Variants in TXNDC12 observed in about 807,000 individuals in gnomAD.
TXNDC12 encodes the protein thioredoxin domain-containing protein 12.
Under a neutral mutation model 24.2 loss-of-function variants are expected in TXNDC12, and 22 were observed. That is an observed-to-expected ratio of 0.91 (90% CI 0.65 to 1.30). TXNDC12 has a LOEUF of 1.30. Among genes scored for constraint, TXNDC12 ranks in the 50% most tolerant of loss-of-function variants. The pLI, the probability that TXNDC12 is intolerant of heterozygous loss-of-function variation, is 0.00. For missense variants in TXNDC12, 184 were observed against 205.8 expected (o/e 0.89, Z 0.65); for synonymous variants, 58 against 73.4 (o/e 0.79, Z 1.07).
intron 1 of TXNDC12, among the ~76,000 whole-genome samples, chr1:52,053,524 C>T (rs1281810456): frequency 1.3e-5 from 2 of 151,988 alleles, no homozygotes; most frequent in East Asian, 3.9e-4. Context: ...ATTAGCCAGA[C>T]GTGGTGGCAG....
At position 52,033,371 on chromosome 1, in the gene TXNDC12, T is replaced by C. The variant is rs777503714; in HGVS notation, c.159-4741A>G. ...TCAGCGCGTGGCCGCCAACTCACACTGACGTTCCGGCCAGGGTTCTCGTTC... is the reference window on the plus strand; with the variant it reads ...TCAGCGCGTGGCCGCCAACTCACACCGACGTTCCGGCCAGGGTTCTCGTTC... On this transcript the variant is annotated intron_variant, in intron 2 of 6. Coordinates refer to ENST00000371626, the MANE Select transcript of TXNDC12 (RefSeq NM_015913.4). 2.5e-5 allele frequency: 40 copies of C among 1,613,634 alleles called. 1 individual carries two copies. Among genetic ancestry groups the C allele is most frequent in the South Asian group, 6.6e-5 (6 of 91,064 alleles).
intron 2 of TXNDC12, among the ~76,000 whole-genome samples, chr1:52,039,431 G>A (rs1234092511): frequency 1.3e-5 from 2 of 151,818 alleles, no homozygotes; most frequent in Admixed American, 1.3e-4. Flanking sequence ...AGGTTCAAGC[G>A]ATTCTCCTGC....
In TXNDC12 at chr1:52,041,555, T is replaced by C; in HGVS notation, c.140A>G (p.Lys47Arg). ...HIHWRTLEDG[K>R]KEAAASGLPL... Reference sequence around the variant, plus strand: ...CTTGTACCTGGCAGCTGCTTCTTTCTTCCCATCTTCCAGTGTCCTCCAATG... The same window carrying C: ...CTTGTACCTGGCAGCTGCTTCTTTCCTCCCATCTTCCAGTGTCCTCCAATG... Residue 47 changes from lysine to arginine, a missense_variant, in exon 2 of 7, where the codon AAG becomes AGG. Physicochemically the swap from Lys to Arg is conservative, Grantham distance 26. Coordinates refer to ENST00000371626, the MANE Select transcript of TXNDC12 (RefSeq NM_015913.4). The C allele has an allele frequency of 6.2e-7, 1 of 1,612,666 alleles. No homozygotes were observed.
rs753749935 is a variant in TXNDC12, at chr1:52,024,616, G to A, written c.286-37C>T. 21 of 1,517,076 alleles carry A rather than the reference G, an allele frequency of 1.4e-5. 1 individual carries two copies. In the Middle Eastern group the frequency reaches 6.8e-4, roughly 49 times the overall value. The allele number at this position is 1,517,076 out of a possible 1,614,324, so 94.0% of individuals were successfully genotyped here. ...AAATGTAAACCTTAAGTCAGATAAC[G>A]TCCTCTCTCTCCTCAAAACCATTCA... On this transcript the variant is annotated intron_variant, in intron 4 of 6. Transcript: ENST00000371626.
At chr1:52,041,512 A>G in intron 2 of TXNDC12, 25 bp downstream of exon 2, 1 of 1,576,500 alleles carries the variant, frequency 6.3e-7, no homozygotes, top group East Asian at 2.2e-5. Context: ...TACCACCATA[A>G]ATGACCTAAA....
At chr1:52,032,470 G>A in intron 2 of TXNDC12, 2 of 1,312,772 alleles carry the variant, frequency 1.5e-6, no homozygotes, top group Non-Finnish European at 1.9e-6. Context: ...TCCTCTGAGG[G>A]ATTTGCCAGG....
chr1:52,042,368 C>T (rs1372468846), intron 1 of TXNDC12, among the ~76,000 whole-genome samples: 1 of 152,062 alleles, frequency 6.6e-6, no homozygotes, highest in African/African-American at 2.4e-5. Flanking sequence ...GTAGGGTTTA[C>T]AAAGCCTTTC....
Position 52,029,793 on chromosome 1 carries a change from C to T in TXNDC12, c.159-1163G>A, listed in dbSNP as rs113283284. 7.9e-3 allele frequency among the ~76,000 whole-genome samples: 1,208 copies of T among 152,268 alleles called. 15 individuals are homozygous for T. Among genetic ancestry groups the T allele is most frequent in the African/African-American group, 0.028 (1,150 of 41,544 alleles). On this transcript the variant is annotated intron_variant, in intron 2 of 6. Coordinates refer to ENST00000371626, the MANE Select transcript of TXNDC12 (RefSeq NM_015913.4). ...TTTAATAAGTGTCAAATGAATCATT[C>T]AGTCACCTCACCTTAGGCCTACCTC...
chr1:52,033,792 C>A, intron 2 of TXNDC12: 1 of 1,536,454 alleles, frequency 6.5e-7, no homozygotes, highest in Non-Finnish European at 8.8e-7. Flanking sequence ...GGCAACCGCG[C>A]TGCGCCAACT....
rs7512076 is a variant in TXNDC12, at chr1:52,020,432, C to T, written c.*501G>A. The T allele has an allele frequency of 0.055, 14,410 of 260,344 alleles. 472 individuals are homozygous for T. Among genetic ancestry groups the T allele is most frequent in the African/African-American group, 0.086 (3,882 of 45,110 alleles). 16.1% of individuals were successfully genotyped at this position (260,344 alleles called of 1,614,324 possible). A position where few individuals can be genotyped will look rare whatever the true frequency, so the allele number is the denominator to read the frequency against. On this transcript the variant is annotated 3_prime_UTR_variant, in exon 7 of 7. Coordinates refer to ENST00000371626, the MANE Select transcript of TXNDC12 (RefSeq NM_015913.4). The stretch of plus-strand genomic sequence containing the variant: ...TTCCCAGGAGAAAAAAGGGAAAAAA[C>T]AGGCTGATATCCTTGGTAGGGGGTA...
chr1:52,043,629 G>A (rs1686036072), intron 1 of TXNDC12, among the ~76,000 whole-genome samples: 1 of 152,106 alleles, frequency 6.6e-6, no homozygotes, highest in African/African-American at 2.4e-5. Flanking sequence ...AGAAATATAT[G>A]CAAAAAACTT....
chr1:52,054,677 T>C (rs191808562), intron 1 of TXNDC12, among the ~76,000 whole-genome samples: 209 of 148,144 alleles, frequency 1.4e-3, no homozygotes, highest in Non-Finnish European at 2.5e-3. Context: ...TTCTCCCAGG[T>C]GGGAAGGTGA....
chr1:52,033,362 A>T (rs1425006715), intron 2 of TXNDC12: 1 of 1,613,564 alleles, frequency 6.2e-7, no homozygotes, highest in Non-Finnish European at 8.5e-7. Context: ...CGTGGCCGCC[A>T]ACTCACACTG....
At chr1:52,051,156 T>G (rs1310185439) in intron 1 of TXNDC12, among the ~76,000 whole-genome samples, 1 of 152,168 alleles carries the variant, frequency 6.6e-6, no homozygotes, top group Non-Finnish European at 1.5e-5. Flanking sequence ...GGATAGTAAA[T>G]GTACAGTAAA....
At chr1:52,046,701 G>A (rs111237087) in intron 1 of TXNDC12, among the ~76,000 whole-genome samples, 1,773 of 151,230 alleles carry the variant, frequency 0.012, 31 homozygotes, top group African/African-American at 0.04. Flanking sequence ...ACCTAACATG[G>A]TGAAACCCCA....
Position 52,036,826 on chromosome 1 carries a change from T to G in TXNDC12, c.158+4711A>C, listed in dbSNP as rs72637993. On this transcript the variant is annotated intron_variant, in intron 2 of 6. Coordinates refer to ENST00000371626, the MANE Select transcript of TXNDC12 (RefSeq NM_015913.4). ...TTCATTCCTCTGGTTTGGTGTCTAT[T>G]AGCTCTTGAATTTATCCAAGATCAT... Among the ~76,000 whole-genome samples the G allele has an allele frequency of 4.7e-3, 713 of 152,340 alleles. 26 individuals carry two copies. In the East Asian group the frequency reaches 0.074, roughly 16 times the overall value.
chr1:52,031,304 C>T lies in TXNDC12; in HGVS notation c.159-2674G>A, dbSNP rs188653024. Among the ~76,000 whole-genome samples the T allele has an allele frequency of 1.4e-4, 21 of 150,870 alleles. No individual in the cohort carries two copies. In the East Asian group the frequency reaches 3.7e-3, roughly 27 times the overall value. ...CCTCCTGAGTAGCTGGGATTACAGG[C>T]ACGTGCCACCACGCCCGGCTAATTT... On this transcript the variant is annotated intron_variant, in intron 2 of 6. Coordinates refer to ENST00000371626, the MANE Select transcript of TXNDC12 (RefSeq NM_015913.4).
rs1451114656 is a variant in TXNDC12, at chr1:52,020,701, T to C, written c.*232A>G. The C allele has an allele frequency of 4.1e-6, 2 of 490,138 alleles. No homozygotes were observed. The highest frequency in any genetic ancestry group is 7.2e-6 in the Non-Finnish European group (2 of 277,132). 30.4% of individuals were successfully genotyped at this position (490,138 alleles called of 1,614,324 possible). ...CTTTACATTCAATGACAAGTTGACATTTAGGTGAGAGGGAAAAGGAGAAGA... is the reference window on the plus strand; with the variant it reads ...CTTTACATTCAATGACAAGTTGACACTTAGGTGAGAGGGAAAAGGAGAAGA... On this transcript the variant is annotated 3_prime_UTR_variant, in exon 7 of 7. Transcript: ENST00000371626.
intron 2 of TXNDC12, chr1:52,033,027 G>A (rs148367224): frequency 1.5e-5 from 24 of 1,573,362 alleles, no homozygotes; most frequent in Non-Finnish European, 2.0e-5. Flanking sequence ...ACAGGGCAGA[G>A]CGGATCCCCG....
Sources: allele counts gnomAD v4.1 joint callset (sites outside exome capture counted in the v4.1 genomes callset), GRCh38; gene constraint gnomAD v4.1.1; transcripts MANE v1.5; gene names NCBI Gene and HGNC (gene_info 2026-07-23, HGNC 2026-07-21).